Variants in RELL1 observed in about 807,000 individuals in gnomAD.
The protein encoded by RELL1 is RELT like 1, also known as RELT-like protein 1.
Under a neutral mutation model 23.0 loss-of-function variants are expected in RELL1, and 10 were observed. The ratio of observed to expected loss-of-function variants is 0.43; its 90% CI spans 0.27 to 0.74. The LOEUF (loss-of-function observed/expected upper bound fraction) is 0.74. RELL1 is among the 30% of genes least tolerant of loss of function. The probability of loss-of-function intolerance (pLI) is 0.19; values close to 1 mark genes in which losing one functional copy is unlikely to be tolerated. For synonymous variants in RELL1, 146 were observed against 146.8 expected, an observed-to-expected ratio of 0.99 and a Z score of 0.04; for missense variants, 315 against 364.4, an observed-to-expected ratio of 0.86 and a Z score of 1.10.
At position 37,629,484 on chromosome 4, in the gene RELL1, C is replaced by T. The variant is rs567417241; in HGVS notation, c.*3+1901G>A. ...CTAGAAGACTAGAATATTGAATTAA[C>T]GTTAGCTGCTGTTATTACCCATCTT... On this transcript the variant is annotated intron_variant, in intron 6 of 6. Transcript: ENST00000454158. Among the ~76,000 whole-genome samples the T allele has an allele frequency of 3.9e-5, 6 of 152,298 alleles. No individual in the cohort carries two copies. In the South Asian group the frequency reaches 8.3e-4, roughly 21 times the overall value.
rs1719353418 is a variant in RELL1 at position 37,610,927 on chromosome 4, T to C, written c.*2419A>G. Among the ~76,000 whole-genome samples, 1 of 152,214 alleles carries C rather than the reference T, an allele frequency of 6.6e-6. No individual in the cohort carries two copies. The highest frequency in any genetic ancestry group is 2.4e-5 in the African/African-American group (1 of 41,452). Reference sequence around the variant, plus strand: ...CAGGAATTCTCATCAGATAGTTCAGTATAAACCAGTAAAAAGCGTATGTGT... The same window carrying C: ...CAGGAATTCTCATCAGATAGTTCAGCATAAACCAGTAAAAAGCGTATGTGT... On this transcript the variant is annotated 3_prime_UTR_variant, in exon 7 of 7. Coordinates refer to ENST00000454158, the MANE Select transcript of RELL1 (RefSeq NM_001085400.2). The surrounding 1 kb of genome is among the most constrained non-coding windows in gnomAD (Gnocchi z 4.1).
At position 37,630,608 on chromosome 4, in the gene RELL1, G is replaced by A. The variant is rs558810203; in HGVS notation, c.*3+777C>T. Among the ~76,000 whole-genome samples, 9 of 151,772 alleles carry A rather than the reference G, an allele frequency of 5.9e-5. No individual in the cohort carries two copies. The South Asian group carries it at 1.3e-3, about 21-fold the overall frequency. On this transcript the variant is annotated intron_variant, in intron 6 of 6. Transcript: ENST00000454158. ...TCTCGATCTCCTGACCTCATGATCC[G>A]CCTGCCTCGGCCTCCCAAAGTGCTG...
Position 37,631,273 on chromosome 4 carries a change from C to T in RELL1, c.*3+112G>A, listed in dbSNP as rs565910558. 57 of 1,202,162 alleles carry T rather than the reference C, an allele frequency of 4.7e-5. No individual in the cohort carries two copies. In the Middle Eastern group the frequency reaches 8.3e-4, roughly 17 times the overall value. 74.5% of individuals were successfully genotyped at this position (1,202,162 alleles called of 1,614,324 possible). A position where few individuals can be genotyped will look rare whatever the true frequency, so the allele number is the denominator to read the frequency against. On this transcript the variant is annotated intron_variant, in intron 6 of 6. Transcript: ENST00000454158. ...CTTCCTGGGTCAAGGAAAGCTCTCC[C>T]ACTTCCCTGTCAAATACCATTCCTA...
chr4:37,637,041 G>A (rs1720355754), intron 4 of RELL1, among the ~76,000 whole-genome samples: 1 of 152,172 alleles, frequency 6.6e-6, no homozygotes, highest in Admixed American at 6.5e-5. Flanking sequence ...AAAGCTGAAT[G>A]CAAGAGTTTA....
chr4:37,596,001 A>G (rs1262569983), intron 6 of RELL1, among the ~76,000 whole-genome samples: 3 of 152,178 alleles, frequency 2.0e-5, no homozygotes, highest in Admixed American at 6.5e-5. Context: ...GGGGGAAAAA[A>G]GGTGCGCCCA....
chr4:37,645,845 C>T (rs1200814623), intron 3 of RELL1, among the ~76,000 whole-genome samples: 1 of 152,214 alleles, frequency 6.6e-6, no homozygotes, highest in Non-Finnish European at 1.5e-5. Flanking sequence ...TTATGCTCAA[C>T]CATACGAAAC....
downstream of RELL1, among the ~76,000 whole-genome samples, chr4:37,586,582 G>A (rs1014096648): frequency 1.3e-5 from 2 of 152,190 alleles, no homozygotes; most frequent in African/African-American, 4.8e-5. Flanking sequence ...TTTCTGTGCT[G>A]CTGCAGCAAA....
At chr4:37,607,849 A>G (rs1485515173), downstream of RELL1, among the ~76,000 whole-genome samples, 2 of 152,102 alleles carry the variant, frequency 1.3e-5, no homozygotes, top group Non-Finnish European at 2.9e-5. Flanking sequence ...CGGCCTCCCA[A>G]AGTGCAGGGA....
intron 1 of RELL1, among the ~76,000 whole-genome samples, chr4:37,661,251 C>A (rs1161662837): frequency 1.3e-5 from 2 of 149,042 alleles, no homozygotes; most frequent in South Asian, 2.2e-4. Flanking sequence ...GCAAAACAAC[C>A]TGTTTTAAGT....
chr4:37,638,589 T>A, intron 3 of RELL1, 85 bp from the exon 4 acceptor site: 1 of 1,028,576 alleles, frequency 9.7e-7, no homozygotes, highest in Non-Finnish European at 1.4e-6. Context: ...AAAACACATC[T>A]AATTCCATTC....
At chr4:37,601,842 A>G (rs1002809572) in intron 6 of RELL1, among the ~76,000 whole-genome samples, 5 of 152,158 alleles carry the variant, frequency 3.3e-5, no homozygotes, top group African/African-American at 1.2e-4. Flanking sequence ...CCCAAACTAG[A>G]TAACAAAAGA....
chr4:37,651,567 G>A (rs1005244341), intron 1 of RELL1, among the ~76,000 whole-genome samples: 4 of 152,168 alleles, frequency 2.6e-5, no homozygotes, highest in Admixed American at 6.5e-5. Flanking sequence ...AGAGTGGCAG[G>A]AGGCAGTCAA....
At chr4:37,608,649 T>C (rs895265241), downstream of RELL1, among the ~76,000 whole-genome samples, 10 of 150,764 alleles carry the variant, frequency 6.6e-5, no homozygotes, top group African/African-American at 2.4e-4. Flanking sequence ...AAATTTAATT[T>C]TTTTTTTTTT....
chr4:37,617,013 T>G (rs1719597995), intron 6 of RELL1, among the ~76,000 whole-genome samples: 1 of 152,254 alleles, frequency 6.6e-6, no homozygotes, highest in Non-Finnish European at 1.5e-5. Context: ...GTGTGTTAAA[T>G]TTTATAAATT....
At chr4:37,671,664 C>T (rs1721837083) in intron 1 of RELL1, among the ~76,000 whole-genome samples, 1 of 152,206 alleles carries the variant, frequency 6.6e-6, no homozygotes, top group Non-Finnish European at 1.5e-5. Context: ...GAATAATCCA[C>T]CCCTTGTTCG....
intron 1 of RELL1, among the ~76,000 whole-genome samples, chr4:37,672,149 G>A (rs1192064436): frequency 2.0e-5 from 3 of 152,108 alleles, no homozygotes; most frequent in African/African-American, 7.2e-5. Context: ...ACTGGCTGTT[G>A]TTGAGTGAAC....
At chr4:37,648,966 G>A (rs1720799736) in intron 2 of RELL1, among the ~76,000 whole-genome samples, 1 of 152,150 alleles carries the variant, frequency 6.6e-6, no homozygotes, top group African/African-American at 2.4e-5. Context: ...AAATTAAAAT[G>A]TCAAATGAAT....
chr4:37,630,735 A>C (rs1720102677), intron 6 of RELL1, among the ~76,000 whole-genome samples: 1 of 151,984 alleles, frequency 6.6e-6, no homozygotes, highest in Non-Finnish European at 1.5e-5. Flanking sequence ...TCAAGAAATA[A>C]ATCACTGTGG....
At chr4:37,667,521 A>G (rs1490045038) in intron 1 of RELL1, among the ~76,000 whole-genome samples, 1 of 147,854 alleles carries the variant, frequency 6.8e-6, no homozygotes, top group African/African-American at 2.5e-5. Context: ...ACATTCAGTA[A>G]AAGTCCATGG....
Sources: allele counts gnomAD v4.1 joint callset (sites outside exome capture counted in the v4.1 genomes callset), GRCh38; gene constraint gnomAD v4.1.1; non-coding constraint Gnocchi (gnomAD v3.1); transcripts MANE v1.5; gene names NCBI Gene and HGNC (gene_info 2026-07-23, HGNC 2026-07-21).